CRTAC1: variants seen among roughly 807,000 people sequenced by gnomAD.
The protein encoded by CRTAC1 is acidic secreted protein in cartilage.
Under a neutral mutation model 67.8 loss-of-function variants are expected in CRTAC1, and 37 were observed. The ratio of observed to expected loss-of-function variants is 0.55; its 90% CI spans 0.42 to 0.72. The LOEUF is 0.72. Among genes scored for constraint, CRTAC1 ranks in the 30% least tolerant of loss-of-function variants. The pLI is 0.00. For missense variants in CRTAC1, 780 were observed against 931.6 expected (o/e 0.84, Z 2.12); for synonymous variants, 348 against 371.0 (o/e 0.94, Z 0.71).
chr10:97,866,467 A>C (rs901640766), intron 14 of CRTAC1: 1 of 152,236 alleles, frequency 6.6e-6, no homozygotes, highest in Admixed American at 6.5e-5. Context: ...GCGGGGCCTG[A>C]ATCTCCTGAA....
chr10:97,967,510 C>T (rs970775164), intron 2 of CRTAC1, among the ~76,000 whole-genome samples: 1 of 152,096 alleles, frequency 6.6e-6, no homozygotes, highest in Non-Finnish European at 1.5e-5. Flanking sequence ...GTGTGAGTTG[C>T]TTCTAGGGCC....
intron 8 of CRTAC1, among the ~76,000 whole-genome samples, chr10:97,898,459 G>A (rs989368505): frequency 9.2e-5 from 14 of 152,328 alleles, no homozygotes; most frequent in Middle Eastern, 6.8e-3. Context: ...GGGGCTAGAG[G>A]GAGTGGGCAG....
Position 97,995,135 on chromosome 10 carries a change from G to A in CRTAC1, c.224+16003C>T, listed in dbSNP as rs935607718. Among the ~76,000 whole-genome samples, 4 of 152,176 alleles carry A rather than the reference G, an allele frequency of 2.6e-5. No homozygotes were observed. The East Asian group carries it at 7.7e-4, about 29-fold the overall frequency. ...GTGCACAGTTCATGTTTCTTTGCTT[G>A]GCATAGCCAAACACCAGTGGATGGT... On this transcript the variant is annotated intron_variant, in intron 2 of 14. Transcript: ENST00000370597.
chr10:97,889,204 C>T (rs766002976), intron 11 of CRTAC1, among the ~76,000 whole-genome samples: 2 of 151,300 alleles, frequency 1.3e-5, no homozygotes, highest in South Asian at 2.1e-4. Context: ...GTGGAGCTGG[C>T]GGAGGCAAAT....
At chr10:97,992,668 T>G (rs1842483992) in intron 2 of CRTAC1, among the ~76,000 whole-genome samples, 1 of 152,244 alleles carries the variant, frequency 6.6e-6, no homozygotes, top group Admixed American at 6.5e-5. Context: ...GAAGACATTA[T>G]GCTAAGTGAA....
intron 1 of CRTAC1, among the ~76,000 whole-genome samples, chr10:98,012,653 T>C (rs1250033501): frequency 6.6e-6 from 1 of 152,126 alleles, no homozygotes; most frequent in Non-Finnish European, 1.5e-5. Context: ...TGCCGGCAAA[T>C]GAGCTTGCTG....
rs770672093 is a variant in CRTAC1, at chr10:97,880,349, G to C, written c.1719C>G (p.Asp573Glu). ...CIQFPFVCPR[D>E]KPVCVNTYGS... ...CATAGGTGTTGACACATACGGGCTT[G>C]TCTCGAGGGCACACGAATGGGAACT... Residue 573 changes from aspartate to glutamate, a missense_variant, in exon 14 of 15, where the codon GAC becomes GAG. Asp to Glu is a conservative substitution (Grantham distance 45). Coordinates refer to ENST00000370597, the MANE Select transcript of CRTAC1 (RefSeq NM_018058.7). 1 of 1,614,194 alleles carries C rather than the reference G, an allele frequency of 6.2e-7. No individual in the cohort carries two copies. The highest frequency in any genetic ancestry group is 8.5e-7 in the Non-Finnish European group (1 of 1,180,012).
chr10:97,951,161 C>T lies in CRTAC1; in HGVS notation c.225-14795G>A, dbSNP rs907386344. 2.6e-5 allele frequency among the ~76,000 whole-genome samples: 4 copies of T among 152,198 alleles called. No individual in the cohort carries two copies. In the South Asian group the frequency reaches 6.2e-4, roughly 24 times the overall value. On this transcript the variant is annotated intron_variant, in intron 2 of 14. Coordinates refer to ENST00000370597, the MANE Select transcript of CRTAC1 (RefSeq NM_018058.7). ...CCACCTCCTCTGTCCATACCTTGTG[C>T]ATGTACTGTTCTGCCTGCTGGATCT...
At chr10:97,951,248 GTC>G (rs982704120) in intron 2 of CRTAC1, among the ~76,000 whole-genome samples, 1 of 152,142 alleles carries the variant, frequency 6.6e-6, no homozygotes, top group African/African-American at 2.4e-5. Flanking sequence ...CCTTCTAGTT[GTC>G]TCTTTCCTGC....
At chr10:97,905,651 A>G (rs1003027053) in intron 6 of CRTAC1, among the ~76,000 whole-genome samples, 6 of 152,186 alleles carry the variant, frequency 3.9e-5, no homozygotes, top group Non-Finnish European at 7.3e-5. Flanking sequence ...CGCAGCATCT[A>G]TCTCAGGGCC....
intron 2 of CRTAC1, among the ~76,000 whole-genome samples, chr10:97,965,865 T>C (rs918251556): frequency 6.6e-6 from 1 of 152,094 alleles, no homozygotes; most frequent in African/African-American, 2.4e-5. Context: ...GGTGGTCTAG[T>C]CAGTGAGAGA....
chr10:97,904,629 C>T (rs1203863671), intron 7 of CRTAC1, 40 bp downstream of exon 7: 2 of 1,474,072 alleles, frequency 1.4e-6, no homozygotes, highest in East Asian at 2.5e-5. Context: ...CCATGTTGGA[C>T]AGGCTGGTCT....
chr10:97,918,335 C>T (rs1269057883), intron 4 of CRTAC1, among the ~76,000 whole-genome samples: 2 of 152,190 alleles, frequency 1.3e-5, no homozygotes, highest in African/African-American at 2.4e-5. Flanking sequence ...CCAGCTCCTC[C>T]GTGCAAGAGT....
intron 2 of CRTAC1, among the ~76,000 whole-genome samples, chr10:97,949,844 G>A (rs2051323218): frequency 6.6e-6 from 1 of 152,244 alleles, no homozygotes; most frequent in Non-Finnish European, 1.5e-5. Context: ...GGGCTGTGCA[G>A]AGGATTAGGA....
At chr10:97,926,796 G>A (rs1470260855) in intron 3 of CRTAC1, among the ~76,000 whole-genome samples, 1 of 152,216 alleles carries the variant, frequency 6.6e-6, no homozygotes, top group East Asian at 1.9e-4. Context: ...AAGGGACTTG[G>A]ACTTAGGCCG....
chr10:97,988,773 C>G (rs2052026580), intron 2 of CRTAC1, among the ~76,000 whole-genome samples: 2 of 152,180 alleles, frequency 1.3e-5, no homozygotes, highest in Admixed American at 6.5e-5. Flanking sequence ...TATCTGAGTA[C>G]TTTCCACATG....
At chr10:97,883,025 T>C (rs898856263) in intron 12 of CRTAC1, among the ~76,000 whole-genome samples, 197 bp from the exon 13 acceptor site, 1 of 152,244 alleles carries the variant, frequency 6.6e-6, no homozygotes, top group African/African-American at 2.4e-5. Flanking sequence ...GGGAAGGCCA[T>C]GAATGGATAC....
chr10:98,028,727 C>T lies in CRTAC1; in HGVS notation c.24+1722G>A, dbSNP rs79036915. Reference sequence around the variant, plus strand: ...AGTGGAGAGAAGGTCTTGGGAAATGCAGCAGAAAAATGTTGACTGCAGCAG... The same window carrying T: ...AGTGGAGAGAAGGTCTTGGGAAATGTAGCAGAAAAATGTTGACTGCAGCAG... On this transcript the variant is annotated intron_variant, in intron 1 of 14. Transcript: ENST00000370597. 9.9e-3 allele frequency among the ~76,000 whole-genome samples: 1,515 copies of T among 152,288 alleles called. 31 individuals carry two copies. The highest frequency in any genetic ancestry group is 0.034 in the African/African-American group (1,406 of 41,562).
chr10:98,006,123 G>C (rs2136689575), intron 2 of CRTAC1, among the ~76,000 whole-genome samples: 1 of 152,278 alleles, frequency 6.6e-6, no homozygotes, highest in South Asian at 2.1e-4. Context: ...TCAGACCTCT[G>C]GGGATATCCC....
Sources: gnomAD v4.1 joint callset for allele counts (sites outside exome capture counted in the v4.1 genomes callset) on GRCh38, gnomAD v4.1.1 for gene constraint, MANE v1.5 for transcripts, NCBI Gene and HGNC (gene_info 2026-07-23, HGNC 2026-07-21) for gene names.